ADAMTSL3: variants seen among roughly 807,000 people sequenced by gnomAD.
The protein encoded by ADAMTSL3 is ADAMTS like 3, also known as ADAMTS-like protein 3.
A neutral mutation model predicts 201.7 loss-of-function variants in ADAMTSL3; 128 were observed. The ratio of observed to expected loss-of-function variants is 0.63; its 90% confidence interval spans 0.55 to 0.73. The LOEUF is 0.73. Ranked by LOEUF, ADAMTSL3 falls within the 30% of genes least tolerant of loss-of-function variation. ADAMTSL3 has a pLI of 0.00. For missense variants in ADAMTSL3, 1,990 were observed against 2,119.6 expected (o/e 0.94, Z 1.20); for synonymous variants, 738 against 748.4 (o/e 0.99, Z 0.23).
intron 2 of ADAMTSL3, among the ~76,000 whole-genome samples, chr15:83,700,681 T>C (rs905530247): frequency 2.0e-5 from 3 of 152,158 alleles, no homozygotes; most frequent in African/African-American, 7.2e-5. Flanking sequence ...GGAGAATTGC[T>C]TGAACCTGTG....
At chr15:83,988,560 C>A in intron 21 of ADAMTSL3, 131 bp from the exon 22 acceptor site, 2 of 735,728 alleles carry the variant, frequency 2.7e-6, no homozygotes, top group Non-Finnish European at 2.0e-6. Flanking sequence ...GGATGCTGGA[C>A]AAAATTATCC....
At chr15:83,735,586 G>A (rs2062357209) in intron 3 of ADAMTSL3, among the ~76,000 whole-genome samples, 1 of 151,966 alleles carries the variant, frequency 6.6e-6, no homozygotes, top group African/African-American at 2.4e-5. Flanking sequence ...AGGTCATCTT[G>A]GGGGATCAGT....
chr15:83,886,315 A>T (rs1329694855), intron 10 of ADAMTSL3, among the ~76,000 whole-genome samples: 2 of 152,190 alleles, frequency 1.3e-5, no homozygotes, highest in Admixed American at 1.3e-4. Flanking sequence ...TTAGAGTACC[A>T]GGCAGTGGTA....
At chr15:83,913,794 T>G (rs189531438) in intron 16 of ADAMTSL3, among the ~76,000 whole-genome samples, 169 of 152,330 alleles carry the variant, frequency 1.1e-3, no homozygotes, top group African/African-American at 3.6e-3. Context: ...ATCCGCACAT[T>G]GGGCCAGCAC....
At chr15:83,809,583 A>G (rs571843276) in intron 5 of ADAMTSL3, among the ~76,000 whole-genome samples, 13 of 152,180 alleles carry the variant, frequency 8.5e-5, no homozygotes, top group Non-Finnish European at 1.9e-4. Flanking sequence ...CTTTAAATAG[A>G]TCTGCCTTTC....
chr15:83,696,583 G>A (rs1280380356), intron 2 of ADAMTSL3, among the ~76,000 whole-genome samples: 1 of 152,174 alleles, frequency 6.6e-6, no homozygotes, highest in Admixed American at 6.5e-5. Context: ...TTACCTTCTT[G>A]TGTCGTCTGT....
intron 17 of ADAMTSL3, among the ~76,000 whole-genome samples, chr15:83,929,560 C>G (rs771333903): frequency 6.6e-6 from 1 of 152,148 alleles, no homozygotes. Flanking sequence ...GTCACAGTCA[C>G]AAGTACTGGG....
At chr15:83,710,272 G>T (rs2061915273) in intron 3 of ADAMTSL3, among the ~76,000 whole-genome samples, 2 of 152,076 alleles carry the variant, frequency 1.3e-5, no homozygotes, top group South Asian at 4.1e-4. Context: ...CGTTTGCTGT[G>T]TCTCTTCCTG....
At chr15:83,776,178 G>A (rs1411958290) in intron 4 of ADAMTSL3, among the ~76,000 whole-genome samples, 1 of 152,178 alleles carries the variant, frequency 6.6e-6, no homozygotes, top group African/African-American at 2.4e-5. Flanking sequence ...TTTGGGGTTA[G>A]CAGACTGAAG....
At chr15:83,916,349 T>C (rs988735118) in intron 16 of ADAMTSL3, among the ~76,000 whole-genome samples, 47 of 152,164 alleles carry the variant, frequency 3.1e-4, no homozygotes, top group Non-Finnish European at 2.5e-4. Flanking sequence ...AAATGAGCCT[T>C]GGACACCTAC....
intron 2 of ADAMTSL3, among the ~76,000 whole-genome samples, chr15:83,678,034 T>C (rs2061429746): frequency 6.6e-6 from 1 of 151,992 alleles, no homozygotes; most frequent in Admixed American, 6.5e-5. Flanking sequence ...CTTTACCACC[T>C]CACTTAGTGT....
chr15:83,674,752 TACACAC>T lies in ADAMTSL3; in HGVS notation c.69+18924_69+18929del, dbSNP rs372797971. Reference sequence around the variant, plus strand: ...ATATATACACACATATATACATATATACACACATATATACATATATATATATATATA... The same window carrying T: ...ATATATACACACATATATACATATATATATATACATATATATATATATATA... On this transcript the variant is annotated intron_variant, in intron 2 of 29. Coordinates refer to ENST00000286744, the MANE Select transcript of ADAMTSL3 (RefSeq NM_207517.3). Among the ~76,000 whole-genome samples the T allele has an allele frequency of 3.1e-3, 358 of 113,984 alleles. 1 individual carries two copies. The highest frequency in any genetic ancestry group is 4.2e-3 in the South Asian group (13 of 3,086). 74.8% of individuals were successfully genotyped at this position (113,984 alleles called of 152,430 possible).
intron 9 of ADAMTSL3, among the ~76,000 whole-genome samples, chr15:83,881,073 C>T (rs959408539): frequency 5.9e-5 from 9 of 152,010 alleles, no homozygotes; most frequent in African/African-American, 1.7e-4. Context: ...AAATTATTAT[C>T]GGATTATTTT....
At chr15:83,909,335 A>T (rs1198091635) in intron 15 of ADAMTSL3, among the ~76,000 whole-genome samples, 1 of 152,084 alleles carries the variant, frequency 6.6e-6, no homozygotes, top group Non-Finnish European at 1.5e-5. Context: ...CTACAATTCT[A>T]GGTTTTTATG....
intron 8 of ADAMTSL3, among the ~76,000 whole-genome samples, chr15:83,863,320 C>A (rs2064905951): frequency 6.6e-6 from 1 of 152,172 alleles, no homozygotes; most frequent in South Asian, 2.1e-4. Flanking sequence ...AATATACATT[C>A]TTTTCAGCAC....
At chr15:84,024,085 C>G (rs2068255532) in intron 26 of ADAMTSL3, among the ~76,000 whole-genome samples, 1 of 152,102 alleles carries the variant, frequency 6.6e-6, no homozygotes, top group East Asian at 1.9e-4. Flanking sequence ...GAAACCCCGT[C>G]CCTACTAAAA....
At chr15:83,706,390 A>G (rs990253804) in intron 3 of ADAMTSL3, among the ~76,000 whole-genome samples, 20 of 152,136 alleles carry the variant, frequency 1.3e-4, no homozygotes, top group Non-Finnish European at 2.8e-4. Context: ...ATCCTAGGAC[A>G]TAGTGTTCCA....
At chr15:83,694,189 T>G (rs2061649560) in intron 2 of ADAMTSL3, 1 of 152,178 alleles carries the variant, frequency 6.6e-6, no homozygotes, top group South Asian at 2.1e-4. Context: ...ACACCTCCCT[T>G]CTGCACCGCA....
chr15:83,743,781 A>G (rs1346508774), intron 3 of ADAMTSL3, among the ~76,000 whole-genome samples: 1 of 152,170 alleles, frequency 6.6e-6, no homozygotes, highest in Non-Finnish European at 1.5e-5. Flanking sequence ...AAAGGGCTGT[A>G]TTTCAATCTA....
Sources: allele counts gnomAD v4.1 joint callset (sites outside exome capture counted in the v4.1 genomes callset), GRCh38; gene constraint gnomAD v4.1.1; transcripts MANE v1.5; gene names NCBI Gene and HGNC (gene_info 2026-07-23, HGNC 2026-07-21).